PDCD2L: variants seen among roughly 807,000 people sequenced by gnomAD.
PDCD2L encodes uS5 assembly chaperone PDCD2L.
A neutral mutation model predicts 40.4 loss-of-function variants in PDCD2L; 44 were observed. That is an observed-to-expected ratio of 1.09 (90% CI 0.86 to 1.40). PDCD2L has a LOEUF of 1.40. PDCD2L is among the 40% of genes most tolerant of loss of function. The pLI is 0.00. For missense variants in PDCD2L, 470 were observed against 453.7 expected (o/e 1.04, Z -0.33); for synonymous variants, 194 against 174.6 (o/e 1.11, Z -0.88).
Position 34,404,553 on chromosome 19 carries a change from C to T in PDCD2L, c.108+15C>T. 3 of 1,554,694 alleles carry T rather than the reference C, an allele frequency of 1.9e-6. No homozygotes were observed. Among genetic ancestry groups the T allele is most frequent in the Non-Finnish European group, 2.6e-6 (3 of 1,155,108 alleles). On this transcript the variant is annotated intron_variant, in intron 1 of 6. Transcript: ENST00000246535. ...GCGGCATTCCGGTGAGGGCGGGTGC[C>T]GGAGCTGGGGTCGATGGGTGCTGCT...
chr19:34,425,301 CTTT>C (rs35392752), intron 6 of PDCD2L, among the ~76,000 whole-genome samples: 14 of 132,138 alleles, frequency 1.1e-4, no homozygotes, highest in Non-Finnish European at 1.1e-4. Context: ...TTTCTCTCTT[CTTT>C]TTTTTTTTTT....
At chr19:34,425,616 G>A (rs1255597275) in intron 6 of PDCD2L, among the ~76,000 whole-genome samples, 5 of 151,854 alleles carry the variant, frequency 3.3e-5, no homozygotes, top group Non-Finnish European at 7.4e-5. Flanking sequence ...GTCCTTCCCC[G>A]TCGGCCTCCC....
At chr19:34,409,917 G>A (rs1389752466) in intron 4 of PDCD2L, among the ~76,000 whole-genome samples, 2 of 152,138 alleles carry the variant, frequency 1.3e-5, no homozygotes, top group Non-Finnish European at 2.9e-5. Flanking sequence ...TCTTGGCTGT[G>A]GCTCCAGAAC....
At chr19:34,424,508 G>A (rs1393441183) in intron 6 of PDCD2L, among the ~76,000 whole-genome samples, 1 of 152,164 alleles carries the variant, frequency 6.6e-6, no homozygotes, top group African/African-American at 2.4e-5. Context: ...AGAGATTCAA[G>A]TGTCCATTTG....
At chr19:34,415,334 G>A (rs1428199866) in intron 5 of PDCD2L, among the ~76,000 whole-genome samples, 4 of 151,922 alleles carry the variant, frequency 2.6e-5, no homozygotes. Context: ...GGCTGGTATC[G>A]AACTCCTGAC....
intron 6 of PDCD2L, among the ~76,000 whole-genome samples, chr19:34,424,772 T>C (rs1422464850): frequency 7.6e-6 from 1 of 132,142 alleles, no homozygotes; most frequent in East Asian, 2.4e-4. Flanking sequence ...TGAGACAGAG[T>C]CTCACTCTGT....
At chr19:34,409,594 C>T (rs1225700025) in intron 4 of PDCD2L, 84 bp downstream of exon 4, 2 of 1,256,486 alleles carry the variant, frequency 1.6e-6, no homozygotes, top group South Asian at 1.4e-5. Flanking sequence ...ACCACAGGAC[C>T]TGGGGAAACT....
rs750117793 is a variant in PDCD2L, at chr19:34,404,734, C to T, written c.194C>T (p.Pro65Leu). 6.8e-6 allele frequency: 11 copies of T among 1,612,148 alleles called. No individual in the cohort carries two copies. Among genetic ancestry groups the T allele is most frequent in the Middle Eastern group, 1.6e-4 (1 of 6,082 alleles). Residue 65 changes from proline to leucine, a missense_variant, in exon 2 of 7, where the codon CCG (proline) becomes CTG (leucine). Physicochemically the swap from Pro to Leu is moderately conservative, Grantham distance 98. Coordinates refer to ENST00000246535, the MANE Select transcript of PDCD2L (RefSeq NM_032346.2). ...GCTCTGGTCGTGCAGGTGTATTGCC[C>T]GCTGGAAGGCTCCCCGTTTCACCGT... ...PLALVVQVYC[P>L]LEGSPFHRLL...
intron 5 of PDCD2L, among the ~76,000 whole-genome samples, chr19:34,417,377 A>G (rs2075130805): frequency 6.6e-6 from 1 of 152,192 alleles, no homozygotes; most frequent in Non-Finnish European, 1.5e-5. Flanking sequence ...TGGGAGGCCA[A>G]GGCAGGCAGA....
chr19:34,417,310 T>C (rs1211370923), intron 5 of PDCD2L, among the ~76,000 whole-genome samples: 2 of 151,930 alleles, frequency 1.3e-5, no homozygotes, highest in African/African-American at 2.4e-5. Flanking sequence ...CTAATACATA[T>C]AGAATATAAG....
At position 34,421,596 on chromosome 19, in the gene PDCD2L, G is replaced by A; in HGVS notation, c.875G>A (p.Cys292Tyr). 1 of 1,614,164 alleles carries A rather than the reference G, an allele frequency of 6.2e-7. No homozygotes were observed. The highest frequency in any genetic ancestry group is 8.5e-7 in the Non-Finnish European group (1 of 1,180,036). Reference sequence around the variant, plus strand: ...ACCGAGCTCCCAGCCTGCAGCCAGTGTGGAGGCCAAAGGATATTTGAGTTT... The same window carrying A: ...ACCGAGCTCCCAGCCTGCAGCCAGTATGGAGGCCAAAGGATATTTGAGTTT... ...EVTELPACSQ[C>Y]GGQRIFEFQL... The change falls in exon 6 of 7, where the codon TGT becomes TAT. Residue 292 changes from cysteine to tyrosine, a missense_variant. Cys to Tyr is a radical substitution (Grantham distance 194, BLOSUM62 -2). Coordinates refer to ENST00000246535, the MANE Select transcript of PDCD2L (RefSeq NM_032346.2).
intron 5 of PDCD2L, among the ~76,000 whole-genome samples, chr19:34,418,486 C>T (rs376900125): frequency 3.9e-5 from 6 of 151,988 alleles, no homozygotes; most frequent in East Asian, 3.9e-4. Flanking sequence ...ACCGCTGTGT[C>T]GTATTCCATT....
Position 34,404,728 on chromosome 19 carries a change from A to G in PDCD2L, c.188A>G (p.Tyr63Cys), listed in dbSNP as rs1359274914. The G allele has an allele frequency of 6.2e-7, 1 of 1,612,314 alleles. No homozygotes were observed. The highest frequency in any genetic ancestry group is 2.2e-5 in the East Asian group (1 of 44,858). The change falls in exon 2 of 7, where the codon TAT becomes TGT. Residue 63 changes from tyrosine to cysteine, a missense_variant. By Grantham distance (194) the Tyr-to-Cys change is radical (BLOSUM62 -2). Transcript: ENST00000246535. ...GQPLALVVQV[Y>C]CPLEGSPFHR... is the part of the protein sequence containing the mutation. ...CCGCTCGCTCTGGTCGTGCAGGTGT[A>G]TTGCCCGCTGGAAGGCTCCCCGTTT...
intron 4 of PDCD2L, among the ~76,000 whole-genome samples, chr19:34,413,027 C>T (rs1004547912): frequency 7.1e-6 from 1 of 141,098 alleles, no homozygotes; most frequent in Admixed American, 7.1e-5. Context: ...GGCGTGAGCC[C>T]ACTGCACTGG....
chr19:34,420,389 G>A (rs1464526588), intron 5 of PDCD2L, among the ~76,000 whole-genome samples: 1 of 151,000 alleles, frequency 6.6e-6, no homozygotes, highest in East Asian at 1.9e-4. Flanking sequence ...TCTTGTCCAT[G>A]GGTCTCCTTG....
At chr19:34,411,623 C>T (rs1336574838) in intron 4 of PDCD2L, among the ~76,000 whole-genome samples, 1 of 152,080 alleles carries the variant, frequency 6.6e-6, no homozygotes, top group African/African-American at 2.4e-5. Context: ...GCTGGGACTA[C>T]AGGTGTGTGC....
At chr19:34,420,361 T>TA (rs1475595126) in intron 5 of PDCD2L, among the ~76,000 whole-genome samples, 1 of 152,096 alleles carries the variant, frequency 6.6e-6, no homozygotes, top group African/African-American at 2.4e-5. Flanking sequence ...TTAAAGTTTT[T>TA]GTCTGATAAA....
At chr19:34,409,059 G>A in intron 3 of PDCD2L, 102 bp from the exon 4 acceptor site, 1 of 1,014,890 alleles carries the variant, frequency 9.9e-7, no homozygotes, top group Admixed American at 2.2e-5. Flanking sequence ...GGGATGGTGT[G>A]AAGGCTCCCT....
chr19:34,406,934 G>A (rs2075079354), intron 3 of PDCD2L, among the ~76,000 whole-genome samples: 1 of 147,122 alleles, frequency 6.8e-6, no homozygotes. Context: ...CCGGATGCAA[G>A]CGCTTATCCT....
Sources: allele counts gnomAD v4.1 joint callset (sites outside exome capture counted in the v4.1 genomes callset), GRCh38; gene constraint gnomAD v4.1.1; transcripts MANE v1.5; gene names NCBI Gene and HGNC (gene_info 2026-07-23, HGNC 2026-07-21).